ITIH5: variants seen among roughly 807,000 people sequenced by gnomAD.
ITIH5 encodes inter-alpha-trypsin inhibitor heavy chain 5, also known as inter-alpha-trypsin inhibitor heavy chain H5.
ITIH5 carries 65 observed loss-of-function variants against 77.5 expected under a neutral mutation model. That is an observed-to-expected ratio of 0.84 (90% CI 0.69 to 1.03). ITIH5 has a LOEUF of 1.03. Among genes scored for constraint, ITIH5 ranks in the 50% least tolerant of loss-of-function variants. The probability of loss-of-function intolerance (pLI) is 0.00; values close to 1 mark genes in which losing one functional copy is unlikely to be tolerated. For missense variants in ITIH5, 1,208 were observed against 1,213.1 expected, an observed-to-expected ratio of 1.00 and a Z score of 0.06; for synonymous variants, 525 against 494.3, an observed-to-expected ratio of 1.06 and a Z score of -0.82.
rs1832049854 is a variant in ITIH5 at position 7,562,054 on chromosome 10, G to A, written c.*1029C>T. On this transcript the variant is annotated 3_prime_UTR_variant, in exon 14 of 14. Coordinates refer to ENST00000397146, the MANE Select transcript of ITIH5 (RefSeq NM_030569.7). ...CTGACTTTTTTTCTATCTGACATGA[G>A]GGAAGCTGGAAGTCCTAGATTTCCT... 1 of 152,176 alleles carries A rather than the reference G, an allele frequency of 6.6e-6. No individual in the cohort carries two copies. The highest frequency in any genetic ancestry group is 2.4e-5 in the African/African-American group (1 of 41,408). 9.4% of individuals were successfully genotyped at this position (152,176 alleles called of 1,614,324 possible). A position where few individuals can be genotyped will look rare whatever the true frequency, so the allele number is the denominator to read the frequency against.
intron 13 of ITIH5, 151 bp from the exon 14 acceptor site, chr10:7,563,535 G>C (rs971706710): frequency 5.9e-6 from 4 of 678,296 alleles, no homozygotes; most frequent in Non-Finnish European, 9.9e-6. Flanking sequence ...CATGTGCTCT[G>C]GGGGGCAGGG....
At position 7,561,763 on chromosome 10, in the gene ITIH5, G is replaced by A. The variant is rs754060794; in HGVS notation, c.*1320C>T. ...CTAAGCATGCCTTCTCATTTCACGC[G>A]GGGGCTGCTCTGGTGTCAAGCCCCG... On this transcript the variant is annotated 3_prime_UTR_variant, in exon 14 of 14. Transcript: ENST00000397146. 5 of 152,092 alleles carry A rather than the reference G, an allele frequency of 3.3e-5. No individual in the cohort carries two copies. The East Asian group carries it at 7.7e-4, about 23-fold the overall frequency. 9.4% of individuals were successfully genotyped at this position (152,092 alleles called of 1,614,324 possible).
chr10:7,653,451 AC>A (rs1436952989), intron 2 of ITIH5, among the ~76,000 whole-genome samples: 2 of 151,498 alleles, frequency 1.3e-5, no homozygotes, highest in Non-Finnish European at 2.9e-5. Context: ...CAGGTGATTC[AC>A]CCCCCTCAGC....
At chr10:7,642,836 C>T (rs1013187984) in intron 2 of ITIH5, among the ~76,000 whole-genome samples, 4 of 152,178 alleles carry the variant, frequency 2.6e-5, no homozygotes, top group Non-Finnish European at 1.5e-5. Flanking sequence ...AGGAAGAAAA[C>T]ATTTGTAAGG....
chr10:7,648,793 TAA>T (rs1199576211), intron 2 of ITIH5, among the ~76,000 whole-genome samples: 1 of 152,246 alleles, frequency 6.6e-6, no homozygotes, highest in Non-Finnish European at 1.5e-5. Flanking sequence ...CTGACAATAT[TAA>T]GTTTATCACA....
intron 2 of ITIH5, among the ~76,000 whole-genome samples, chr10:7,653,141 T>C (rs570230924): frequency 6.6e-6 from 1 of 152,358 alleles, no homozygotes; most frequent in East Asian, 1.9e-4. Context: ...TCATTGCTGA[T>C]AGACATGGTA....
chr10:7,623,105 T>C (rs1833499990), intron 5 of ITIH5, among the ~76,000 whole-genome samples: 1 of 152,174 alleles, frequency 6.6e-6, no homozygotes, highest in South Asian at 2.1e-4. Context: ...GGTGAAAAGA[T>C]TGAGAAGAGC....
rs746637978 is a variant in ITIH5 at position 7,576,591 on chromosome 10, A to G, written c.1840T>C (p.Phe614Leu). Residue 614 changes from phenylalanine (F) to leucine (L), a missense_variant, in exon 10 of 14, where the codon TTC (phenylalanine) becomes CTC (leucine). By Grantham distance (22) the Phe-to-Leu change is conservative (BLOSUM62 0). Coordinates refer to ENST00000397146, the MANE Select transcript of ITIH5 (RefSeq NM_030569.7). ...RAQALAVSYR[F>L]LTPFTSMKLR... ...TTCATGGAGGTGAAGGGAGTGAGGA[A>G]GCGGTAGCTCACAGCCAGGGCCTGG... is the stretch of plus-strand genomic sequence containing the variant. 31 of 1,613,914 alleles carry G rather than the reference A, an allele frequency of 1.9e-5. No homozygotes were observed. The highest frequency in any genetic ancestry group is 2.5e-5 in the Non-Finnish European group (29 of 1,180,038).
intron 5 of ITIH5, among the ~76,000 whole-genome samples, chr10:7,631,027 G>A (rs1417210761): frequency 2.1e-5 from 3 of 145,430 alleles, no homozygotes; most frequent in African/African-American, 7.8e-5. Context: ...TGGAAATGGG[G>A]TCAAGCAGCC....
chr10:7,639,688 A>G lies in ITIH5; in HGVS notation c.401+1066T>C, dbSNP rs543988164. Among the ~76,000 whole-genome samples, 4 of 152,316 alleles carry G rather than the reference A, an allele frequency of 2.6e-5. No homozygotes were observed. In the East Asian group the frequency reaches 7.7e-4, roughly 29 times the overall value. On this transcript the variant is annotated intron_variant, in intron 4 of 13. Coordinates refer to ENST00000397146, the MANE Select transcript of ITIH5 (RefSeq NM_030569.7). Reference sequence around the variant, plus strand: ...ACACATTGGGCTGGTGAAGAGGAAAAAATAATCTTAGTGTACTAGGTGGCT... The same window carrying G: ...ACACATTGGGCTGGTGAAGAGGAAAGAATAATCTTAGTGTACTAGGTGGCT...
chr10:7,637,223 C>T lies in ITIH5; in HGVS notation c.652+5G>A. On this transcript the variant is annotated splice_donor_5th_base_variant and intron_variant, in intron 5 of 13. Transcript: ENST00000397146. ...ATCTGCACGAACCCAGCACGCAGGA[C>T]TCACCTTCCCCGCGCCCACTGCCCC... 2 of 1,604,982 alleles carry T rather than the reference C, an allele frequency of 1.2e-6. No individual in the cohort carries two copies. The highest frequency in any genetic ancestry group is 1.7e-6 in the Non-Finnish European group (2 of 1,179,364).
intron 7 of ITIH5, among the ~76,000 whole-genome samples, chr10:7,590,037 G>A (rs1564247905): frequency 1.3e-5 from 2 of 151,450 alleles, no homozygotes; most frequent in Non-Finnish European, 2.9e-5. Flanking sequence ...ATCGTCATCT[G>A]TGAACTTCCA....
At chr10:7,661,451 A>G (rs1255160876) in intron 1 of ITIH5, among the ~76,000 whole-genome samples, 2 of 152,192 alleles carry the variant, frequency 1.3e-5, no homozygotes, top group Non-Finnish European at 2.9e-5. Flanking sequence ...CTGGAACAGA[A>G]CAAAGGGCTA....
intron 5 of ITIH5, among the ~76,000 whole-genome samples, chr10:7,622,816 T>C (rs1833495501): frequency 6.6e-6 from 1 of 152,210 alleles, no homozygotes; most frequent in African/African-American, 2.4e-5. Flanking sequence ...AAATGTACAT[T>C]TTTTTCTGAA....
chr10:7,580,123 G>A, intron 8 of ITIH5, 59 bp from the exon 9 acceptor site: 2 of 1,402,302 alleles, frequency 1.4e-6, no homozygotes, highest in East Asian at 2.5e-5. Flanking sequence ...CACTCTGATT[G>A]CACTTTCTTT....
chr10:7,606,975 AC>A (rs1833138645), intron 7 of ITIH5, among the ~76,000 whole-genome samples: 1 of 152,136 alleles, frequency 6.6e-6, no homozygotes, highest in South Asian at 2.1e-4. Context: ...ATCATTTATT[AC>A]CTCATATTCT....
intron 10 of ITIH5, among the ~76,000 whole-genome samples, chr10:7,573,989 G>A (rs886356498): frequency 3.3e-5 from 5 of 152,094 alleles, no homozygotes; most frequent in Non-Finnish European, 1.5e-5. Flanking sequence ...TTAAAAATGG[G>A]TAAGGTGGTA....
intron 1 of ITIH5, among the ~76,000 whole-genome samples, chr10:7,660,482 G>T (rs776781815): frequency 3.9e-5 from 6 of 152,174 alleles, no homozygotes; most frequent in East Asian, 3.8e-4. Context: ...TGAGGTAAAG[G>T]CTTCCTTAGG....
At position 7,576,671 on chromosome 10, in the gene ITIH5, C is replaced by T; in HGVS notation, c.1760G>A (p.Ser587Asn). 6.2e-7 allele frequency: 1 copy of T among 1,614,188 alleles called. No homozygotes were observed. Among genetic ancestry groups the T allele is most frequent in the African/African-American group, 1.3e-5 (1 of 75,064 alleles). The change falls in exon 10 of 14, where the codon AGC (serine) becomes AAC (asparagine). Residue 587 changes from serine (S) to asparagine (N), a missense_variant. Transcript: ENST00000397146. Reference protein sequence around the residue: ...WSYLTTKELLSSWLQSDDEPE... With the variant: ...WSYLTTKELLNSWLQSDDEPE... ...TTCATCGTCACTTTGCAGCCAGGAG[C>T]TCAGCAGCTCCTTTGTGGTGAGGTA...
Sources: gnomAD v4.1 joint callset for allele counts (sites outside exome capture counted in the v4.1 genomes callset) on GRCh38, gnomAD v4.1.1 for gene constraint, MANE v1.5 for transcripts, NCBI Gene and HGNC (gene_info 2026-07-23, HGNC 2026-07-21) for gene names.